Variants in MYO10 observed in about 807,000 individuals in gnomAD.
MYO10 encodes the protein myosin X, also known as unconventional myosin-X.
MYO10 carries 133 observed loss-of-function variants against 257.3 expected under a neutral mutation model. That is an observed-to-expected ratio of 0.52 (90% CI 0.45 to 0.60). The LOEUF is 0.60. Ranked by LOEUF, MYO10 falls within the 20% of genes least tolerant of loss-of-function variation. The pLI, the probability that MYO10 is intolerant of heterozygous loss-of-function variation, is 0.00. For synonymous variants in MYO10, 1,104 were observed against 1,028.6 expected (o/e 1.07, Z -1.40); for missense variants, 2,399 against 2,635.7 (o/e 0.91, Z 1.97).
At position 16,778,167 on chromosome 5, in the gene MYO10, T is replaced by C. The variant is rs1295902816; in HGVS notation, c.930+1378A>G. ...GCCCGGCTGCATCTAACTGTTCTAA[T>C]AAGGGCTCTGGTAAAGAACTTAAGA... On this transcript the variant is annotated intron_variant, in intron 9 of 40. Transcript: ENST00000513610. Among the ~76,000 whole-genome samples, 11 of 152,132 alleles carry C rather than the reference T, an allele frequency of 7.2e-5. No individual in the cohort carries two copies. In the South Asian group the frequency reaches 1.0e-3, roughly 14 times the overall value.
chr5:16,893,700 T>C (rs1229675071), intron 1 of MYO10, among the ~76,000 whole-genome samples: 1 of 150,868 alleles, frequency 6.6e-6, no homozygotes, highest in Non-Finnish European at 1.5e-5. Flanking sequence ...TTTCTCTCCA[T>C]ATTACACCTC....
At chr5:16,826,492 G>C (rs1361371706) in intron 2 of MYO10, among the ~76,000 whole-genome samples, 9 of 152,188 alleles carry the variant, frequency 5.9e-5, no homozygotes, top group Admixed American at 2.0e-4. Context: ...CATTCTATGA[G>C]GAAAAAGCAA....
intron 40 of MYO10, among the ~76,000 whole-genome samples, chr5:16,667,497 A>C (rs1258534270): frequency 6.6e-6 from 1 of 152,158 alleles, no homozygotes; most frequent in African/African-American, 2.4e-5. Flanking sequence ...GCACAATCAA[A>C]GATCCCACAG....
chr5:16,916,914 A>C (rs1275648123), intron 1 of MYO10, among the ~76,000 whole-genome samples: 2 of 152,234 alleles, frequency 1.3e-5, no homozygotes, highest in Non-Finnish European at 2.9e-5. Flanking sequence ...AAGAGGTCCA[A>C]AGAATATAGT....
rs1283917598 is a variant in MYO10, at chr5:16,766,144, G to C, written c.1115C>G (p.Ala372Gly). The change falls in exon 11 of 41, where the codon GCT (alanine) becomes GGT (glycine). Residue 372 changes from alanine (A) to glycine (G), a missense_variant. By Grantham distance (60) the Ala-to-Gly change is moderately conservative. This residue lies in a region of MYO10 where 337 missense variants were observed against 446.8 expected (regional missense o/e 0.75). Transcript: ENST00000513610. ...LGLDPTQLTD[A>G]LTQRSMFLRG... is the part of the protein sequence containing the mutation. ...GAGGAACATTGATCTCTGGGTCAAA[G>C]CATCTGTGAGCTGTGTTGGGTCCAG... The C allele has an allele frequency of 3.7e-6, 6 of 1,613,934 alleles. No homozygotes were observed. Among genetic ancestry groups the C allele is most frequent in the Non-Finnish European group, 4.2e-6 (5 of 1,179,852 alleles).
Position 16,766,114 on chromosome 5 carries a change from C to G in MYO10, c.1145G>C (p.Gly382Ala). 1.2e-6 allele frequency: 2 copies of G among 1,613,540 alleles called. No individual in the cohort carries two copies. The highest frequency in any genetic ancestry group is 1.7e-6 in the Non-Finnish European group (2 of 1,179,496). The change falls in exon 11 of 41, where the codon GGA (glycine) becomes GCA (alanine). Residue 382 changes from glycine to alanine, a missense_variant. By Grantham distance (60) the Gly-to-Ala change is moderately conservative. This residue lies in a region of MYO10 where 337 missense variants were observed against 446.8 expected (regional missense o/e 0.75). Transcript: ENST00000513610. ...ALTQRSMFLR[G>A]EEILTPLNVQ... is the part of the protein sequence containing the mutation. ...ATTGAGAGGCGTGAGGATCTCTTCT[C>G]CCCTGAGGAACATTGATCTCTGGGT...
chr5:16,666,788 C>T lies in MYO10; in HGVS notation c.6081G>A (p.Val2027=), dbSNP rs1309037771. ...RELLFETSEV[V]DVAKLMKAYI... ...AGGCTTTCATGAGCTTGGCCACATC[C>T]ACCACCTGCCCAGGGGGAAGCAGAA... Residue 2027 remains valine, a synonymous_variant, in exon 41 of 41, where the codon GTG becomes GTA. Coordinates refer to ENST00000513610, the MANE Select transcript of MYO10 (RefSeq NM_012334.3). 8.1e-6 allele frequency: 13 copies of T among 1,599,678 alleles called. No homozygotes were observed. The African/African-American group carries it at 1.5e-4, about 18-fold the overall frequency.
intron 1 of MYO10, among the ~76,000 whole-genome samples, chr5:16,921,271 C>T (rs775416279): frequency 7.7e-5 from 11 of 143,494 alleles, no homozygotes; most frequent in Non-Finnish European, 1.5e-4. Context: ...CGACCTTTTT[C>T]CTAGTGGAGA....
intron 4 of MYO10, among the ~76,000 whole-genome samples, chr5:16,789,767 GCAAGACTCTATCT>G: frequency 6.6e-6 from 1 of 152,302 alleles, no homozygotes; most frequent in African/African-American, 2.4e-5. Flanking sequence ...GGGCAACAGA[GCAAGACTCTATCT>G]CAAAAAACAA....
intron 2 of MYO10, among the ~76,000 whole-genome samples, chr5:16,853,469 TTGCCAAAA>T (rs1743871926): frequency 6.6e-6 from 1 of 152,170 alleles, no homozygotes; most frequent in Admixed American, 6.5e-5. Context: ...TTCTACAACA[TTGCCAAAA>T]TGTCAAAGCC....
At chr5:16,718,267 T>TAATTTTTTGTATTTTTAGTAAAGA (rs1738979222) in intron 19 of MYO10, among the ~76,000 whole-genome samples, 1 of 152,152 alleles carries the variant, frequency 6.6e-6, no homozygotes, top group Admixed American at 6.5e-5. Context: ...GGCCGGAGCC[T>TAATTTTTTGTATTTTTAGTAAAGA]CCCTGACGAG....
chr5:16,861,793 A>G (rs775560555), intron 2 of MYO10, among the ~76,000 whole-genome samples: 42 of 152,188 alleles, frequency 2.8e-4, no homozygotes, highest in Non-Finnish European at 5.7e-4. Flanking sequence ...ACTAAGGTGA[A>G]AAAGTGGAAA....
intron 1 of MYO10, among the ~76,000 whole-genome samples, chr5:16,889,039 G>A (rs1744969574): frequency 1.3e-5 from 2 of 152,024 alleles, no homozygotes; most frequent in Non-Finnish European, 2.9e-5. Context: ...TGGGCATGGT[G>A]GCACATGCCT....
At chr5:16,702,804 T>G in intron 23 of MYO10, 121 bp downstream of exon 23, 2 of 1,002,060 alleles carry the variant, frequency 2.0e-6, no homozygotes. Context: ...CCACCTAGAG[T>G]TACTGTTTCA....
chr5:16,775,658 A>G (rs896516618), intron 9 of MYO10, among the ~76,000 whole-genome samples: 4 of 152,252 alleles, frequency 2.6e-5, no homozygotes, highest in South Asian at 2.1e-4. Flanking sequence ...GCTGGAGTGC[A>G]GTGGCGCGAT....
intron 22 of MYO10, among the ~76,000 whole-genome samples, chr5:16,704,256 T>C (rs1040792881): frequency 3.3e-5 from 5 of 151,696 alleles, no homozygotes; most frequent in Non-Finnish European, 7.4e-5. Flanking sequence ...GCCCAGGAGG[T>C]CAAGGCTGCA....
At chr5:16,860,985 G>A (rs1031065552) in intron 2 of MYO10, among the ~76,000 whole-genome samples, 1 of 152,160 alleles carries the variant, frequency 6.6e-6, no homozygotes, top group Non-Finnish European at 1.5e-5. Context: ...TTTCATCTAT[G>A]AAATAGTTCT....
At chr5:16,864,009 G>GT (rs1409159592) in intron 2 of MYO10, among the ~76,000 whole-genome samples, 2 of 152,116 alleles carry the variant, frequency 1.3e-5, no homozygotes, top group African/African-American at 4.8e-5. Flanking sequence ...GAGGTGGGGG[G>GT]ATTGCTTTAG....
intron 19 of MYO10, among the ~76,000 whole-genome samples, chr5:16,715,846 A>G (rs1738846873): frequency 6.6e-6 from 1 of 152,146 alleles, no homozygotes; most frequent in African/African-American, 2.4e-5. Context: ...ACCTGAGGTC[A>G]GCAGTTCGAG....
Sources: allele counts gnomAD v4.1 joint callset (sites outside exome capture counted in the v4.1 genomes callset), GRCh38; gene constraint gnomAD v4.1.1; regional missense constraint gnomAD v4.1.1; transcripts MANE v1.5; gene names NCBI Gene and HGNC (gene_info 2026-07-23, HGNC 2026-07-21).